The following ROCK1 variants were observed in gnomAD, a reference collection of about 807,000 sequenced individuals.
The protein encoded by ROCK1 is rho-associated protein kinase 1.
In ROCK1, 36 loss-of-function variants were observed where a neutral mutation model predicts 196.8. The ratio of observed to expected loss-of-function variants is 0.18; its 90% CI spans 0.14 to 0.24. ROCK1 has a LOEUF of 0.24. Among genes scored for constraint, ROCK1 ranks in the 10% least tolerant of loss-of-function variants. ROCK1 has a pLI of 1.00. For missense variants in ROCK1, 920 were observed against 1,562.0 expected (o/e 0.59, Z 6.93); for synonymous variants, 443 against 515.9 (o/e 0.86, Z 1.91).
At chr18:20,961,022 A>T (rs183224958) in intron 27 of ROCK1, among the ~76,000 whole-genome samples, 27 of 152,292 alleles carry the variant, frequency 1.8e-4, no homozygotes, top group Non-Finnish European at 3.8e-4. Flanking sequence ...TGACTATTTG[A>T]TCAAGGCATT....
chr18:20,989,655 A>T (rs1327717420), intron 18 of ROCK1, among the ~76,000 whole-genome samples: 8 of 152,154 alleles, frequency 5.3e-5, no homozygotes, highest in African/African-American at 1.9e-4. Flanking sequence ...TGTTTACAGT[A>T]AGAAGATAAT....
chr18:21,105,033 C>T (rs895216092), intron 1 of ROCK1, among the ~76,000 whole-genome samples: 13 of 152,310 alleles, frequency 8.5e-5, no homozygotes, highest in African/African-American at 2.9e-4. Flanking sequence ...ACTAAGCACA[C>T]TGACTAGTAT....
chr18:21,046,352 T>C (rs773886425), intron 4 of ROCK1, among the ~76,000 whole-genome samples: 14 of 152,254 alleles, frequency 9.2e-5, no homozygotes, highest in Non-Finnish European at 1.5e-4. Flanking sequence ...TCCAGATGCC[T>C]GGCGGTTAGC....
chr18:21,076,170 G>A (rs530959260), intron 1 of ROCK1, among the ~76,000 whole-genome samples: 113 of 152,258 alleles, frequency 7.4e-4, no homozygotes, highest in African/African-American at 2.0e-3. Context: ...ACTGATGGTC[G>A]CACAACAACG....
At chr18:21,060,729 C>T (rs1258687125) in intron 2 of ROCK1, among the ~76,000 whole-genome samples, 2 of 150,224 alleles carry the variant, frequency 1.3e-5, no homozygotes, top group African/African-American at 4.9e-5. Context: ...ATCCCATCTA[C>T]TAGGGAGGCT....
chr18:21,107,862 T>C (rs896951011), intron 1 of ROCK1, among the ~76,000 whole-genome samples: 3 of 152,134 alleles, frequency 2.0e-5, no homozygotes, highest in Admixed American at 6.5e-5. Context: ...AAGACCAGCC[T>C]GGCCAACATG....
intron 1 of ROCK1, among the ~76,000 whole-genome samples, chr18:21,077,546 G>C (rs765584322): frequency 6.6e-6 from 1 of 152,280 alleles, no homozygotes; most frequent in South Asian, 2.1e-4. Flanking sequence ...TGGGGGAGTA[G>C]GGAGGACTAA....
In ROCK1 at chr18:21,052,975, T is replaced by G. The variant is rs529380896; in HGVS notation, c.176-3095A>C. ...ATAAGACCAAGCTTTCCCAAGTCTG[T>G]AAGGGGAGACTATATACACAGGCTA... On this transcript the variant is annotated intron_variant, in intron 2 of 32. Transcript: ENST00000399799. Among the ~76,000 whole-genome samples, 15 of 152,326 alleles carry G rather than the reference T, an allele frequency of 9.8e-5. No individual in the cohort carries two copies. The East Asian group carries it at 2.5e-3, about 25-fold the overall frequency.
chr18:20,962,354 G>C (rs1248801013), intron 27 of ROCK1, among the ~76,000 whole-genome samples: 1 of 152,140 alleles, frequency 6.6e-6, no homozygotes, highest in Non-Finnish European at 1.5e-5. Context: ...GAATGAAAAG[G>C]AGTCTTAATA....
chr18:21,062,073 T>G (rs1296760694), intron 2 of ROCK1, among the ~76,000 whole-genome samples: 2 of 152,278 alleles, frequency 1.3e-5, no homozygotes, highest in East Asian at 3.9e-4. Context: ...TACATATATT[T>G]CCTAGCTATG....
chr18:21,020,486 T>C (rs769696734), intron 11 of ROCK1, among the ~76,000 whole-genome samples: 4 of 152,082 alleles, frequency 2.6e-5, no homozygotes, highest in Admixed American at 1.3e-4. Context: ...AATAGTTACA[T>C]AGTGAGGCAA....
chr18:21,026,209 C>T (rs1248519558), intron 10 of ROCK1, among the ~76,000 whole-genome samples: 1 of 152,130 alleles, frequency 6.6e-6, no homozygotes, highest in Non-Finnish European at 1.5e-5. Context: ...CTTTGGGAGG[C>T]CAAGGTGGGC....
At chr18:21,004,144 A>G (rs1168382028) in intron 16 of ROCK1, among the ~76,000 whole-genome samples, 3 of 152,194 alleles carry the variant, frequency 2.0e-5, no homozygotes, top group Non-Finnish European at 4.4e-5. Flanking sequence ...GTACTGGCAA[A>G]CATCAGGGCT....
intron 18 of ROCK1, among the ~76,000 whole-genome samples, 173 bp from the exon 19 acceptor site, chr18:20,987,283 A>T (rs1245838352): frequency 1.3e-5 from 2 of 152,230 alleles, no homozygotes; most frequent in Non-Finnish European, 2.9e-5. Context: ...TATATAGCAG[A>T]AATCTCTAAA....
rs1475077379 is a variant in ROCK1, at chr18:21,089,338, G to A, written c.94-18725C>T. Among the ~76,000 whole-genome samples, 3 of 152,338 alleles carry A rather than the reference G, an allele frequency of 2.0e-5. No homozygotes were observed. The East Asian group carries it at 5.8e-4, about 29-fold the overall frequency. On this transcript the variant is annotated intron_variant, in intron 1 of 32. Coordinates refer to ENST00000399799, the MANE Select transcript of ROCK1 (RefSeq NM_005406.3). ...GCCTCCCAAAATGCTGGGATTACAGGCGTGAGCCACCGCAGCCGGCCTAAA... is the reference window on the plus strand; with the variant it reads ...GCCTCCCAAAATGCTGGGATTACAGACGTGAGCCACCGCAGCCGGCCTAAA...
intron 9 of ROCK1, among the ~76,000 whole-genome samples, chr18:21,038,199 T>G (rs2036073665): frequency 6.6e-6 from 1 of 152,140 alleles, no homozygotes; most frequent in Admixed American, 6.5e-5. Flanking sequence ...TGATCATCTC[T>G]TTGTCATGCA....
In ROCK1 at chr18:21,048,942, A is replaced by G. The variant is rs1289179741; in HGVS notation, c.414+150T>C. 1.7e-5 allele frequency: 9 copies of G among 538,506 alleles called. No individual in the cohort carries two copies. The East Asian group carries it at 2.7e-4, about 16-fold the overall frequency. The allele number at this position is 538,506 out of a possible 1,614,324, so 33.4% of individuals were successfully genotyped here. On this transcript the variant is annotated intron_variant, in intron 4 of 32. Transcript: ENST00000399799. ...CCTTTCTTGCTAGAAATGATTCAAT[A>G]CAATTAAATTTTAAGATTTAAAAGG...
At chr18:20,984,777 A>C (rs1246509739) in intron 19 of ROCK1, among the ~76,000 whole-genome samples, 1 of 151,968 alleles carries the variant, frequency 6.6e-6, no homozygotes, top group Non-Finnish European at 1.5e-5. Context: ...GTTCCTTTCT[A>C]CCCCAATCAG....
intron 27 of ROCK1, among the ~76,000 whole-genome samples, chr18:20,965,435 A>ACATG (rs1192100731): frequency 2.0e-5 from 3 of 152,074 alleles, no homozygotes; most frequent in Admixed American, 2.0e-4. Flanking sequence ...ATACATACAT[A>ACATG]CATACATATA....
Sources: gnomAD v4.1 joint callset for allele counts (sites outside exome capture counted in the v4.1 genomes callset) on GRCh38, gnomAD v4.1.1 for gene constraint, MANE v1.5 for transcripts, NCBI Gene and HGNC (gene_info 2026-07-23, HGNC 2026-07-21) for gene names.